The following UNC80 variants were observed in gnomAD, a reference collection of about 807,000 sequenced individuals.
UNC80 encodes protein unc-80 homolog.
Under a neutral mutation model 384.6 loss-of-function variants are expected in UNC80, and 164 were observed. That is an observed-to-expected ratio of 0.43 (90% CI 0.38 to 0.49). The LOEUF (loss-of-function observed/expected upper bound fraction) is 0.49. Among genes scored for constraint, UNC80 ranks in the 20% least tolerant of loss-of-function variants. The pLI, the probability that UNC80 is intolerant of heterozygous loss-of-function variation, is 0.00. For missense variants in UNC80, 3,330 were observed against 4,143.0 expected, an observed-to-expected ratio of 0.80 and a Z score of 5.39; for synonymous variants, 1,486 against 1,527.8, an observed-to-expected ratio of 0.97 and a Z score of 0.64.
intron 61 of UNC80, among the ~76,000 whole-genome samples, chr2:209,989,852 AT>A (rs2093360392): frequency 1.3e-5 from 2 of 152,276 alleles, no homozygotes; most frequent in Non-Finnish European, 2.9e-5. Flanking sequence ...ATCATTGTGA[AT>A]TTTTTGGCTG....
At chr2:209,856,755 T>C (rs1203042728) in intron 22 of UNC80, among the ~76,000 whole-genome samples, 1 of 148,548 alleles carries the variant, frequency 6.7e-6, no homozygotes, top group Non-Finnish European at 1.5e-5. Context: ...TTGGTTTTTT[T>C]GTTTACTTAT....
rs142129015 is a variant in UNC80, at chr2:209,904,266, A to C, written c.4582-499A>C. Among the ~76,000 whole-genome samples, 324 of 152,340 alleles carry C rather than the reference A, an allele frequency of 2.1e-3. 2 individuals carry two copies. The highest frequency in any genetic ancestry group is 7.2e-3 in the African/African-American group (298 of 41,580). On this transcript the variant is annotated intron_variant, in intron 28 of 64. Transcript: ENST00000673920. ...AACTGTACAGTAAGGTTCAAGTTCT[A>C]GTTGAAGATGATTGGCCAGAGGAGA...
rs529998362 is a variant in UNC80 at position 209,929,567 on chromosome 2, C to T, written c.5807-304C>T. On this transcript the variant is annotated intron_variant, in intron 36 of 64. Coordinates refer to ENST00000673920, the MANE Select transcript of UNC80 (RefSeq NM_001371986.1). ...ACTGTAATTTAATAAGTGCTGACTG[C>T]TGCTATTATTGGGGTGACTTCCACA... Among the ~76,000 whole-genome samples, 5 of 152,268 alleles carry T rather than the reference C, an allele frequency of 3.3e-5. No homozygotes were observed. In the East Asian group the frequency reaches 7.7e-4, roughly 23 times the overall value.
At chr2:209,811,109 T>C (rs2079316999) in intron 7 of UNC80, among the ~76,000 whole-genome samples, 1 of 152,132 alleles carries the variant, frequency 6.6e-6, no homozygotes, top group African/African-American at 2.4e-5. Context: ...AAGTTTTTAG[T>C]TTCCTTCAAA....
intron 47 of UNC80, among the ~76,000 whole-genome samples, chr2:209,952,849 A>T (rs2092247798): frequency 6.6e-6 from 1 of 152,220 alleles, no homozygotes; most frequent in African/African-American, 2.4e-5. Context: ...CCAAAAAAAT[A>T]GGAGAACTCA....
rs959082744 is a variant in UNC80, at chr2:209,839,008, T to A, written c.3042-214T>A. Among the ~76,000 whole-genome samples, 1 of 152,170 alleles carries A rather than the reference T, an allele frequency of 6.6e-6. No homozygotes were observed. Among genetic ancestry groups the A allele is most frequent in the African/African-American group, 2.4e-5 (1 of 41,432 alleles). On this transcript the variant is annotated intron_variant, in intron 18 of 64. Coordinates refer to ENST00000673920, the MANE Select transcript of UNC80 (RefSeq NM_001371986.1). The surrounding 1 kb of genome is among the most constrained non-coding windows in gnomAD (Gnocchi z 4.1). ...GTTGAAAAAACCTGACCACCTCATG[T>A]CATAGCAGAGACATGACTATTTTCA...
Position 209,977,061 on chromosome 2 carries a change from C to T in UNC80, c.8921C>T (p.Ala2974Val). Residue 2974 changes from alanine to valine, a missense_variant, in exon 58 of 65, where the codon GCA (alanine) becomes GTA (valine). Coordinates refer to ENST00000673920, the MANE Select transcript of UNC80 (RefSeq NM_001371986.1). ...FNSELKILKE[A>V]VHSGSAYQGK... ...AGTGAACTAAAAATTCTAAAAGAGGCAGTTCATAGTGGATCAGGTGAGTGT... is the reference window on the plus strand; with the variant it reads ...AGTGAACTAAAAATTCTAAAAGAGGTAGTTCATAGTGGATCAGGTGAGTGT... 1 of 1,521,742 alleles carries T rather than the reference C, an allele frequency of 6.6e-7. No homozygotes were observed. The highest frequency in any genetic ancestry group is 8.9e-7 in the Non-Finnish European group (1 of 1,122,522). 94.3% of individuals were successfully genotyped at this position (1,521,742 alleles called of 1,614,324 possible). A position where few individuals can be genotyped will look rare whatever the true frequency, so the allele number is the denominator to read the frequency against.
Position 209,789,483 on chromosome 2 carries a change from A to G in UNC80, c.725-49A>G, listed in dbSNP as rs774713075. 1.8e-5 allele frequency: 23 copies of G among 1,272,950 alleles called. No homozygotes were observed. The Admixed American group carries it at 3.0e-4, about 17-fold the overall frequency. The allele number at this position is 1,272,950 out of a possible 1,614,324, so 78.9% of individuals were successfully genotyped here. ...AAAATGAAATGAACTTATGAAATAA[A>G]AAGAACTTAAAACCTTACAAAACGA... is the stretch of plus-strand genomic sequence containing the variant. On this transcript the variant is annotated intron_variant, in intron 5 of 64. Transcript: ENST00000673920.
rs1373731158 is a variant in UNC80 at position 209,995,545 on chromosome 2, C to T, written c.9925C>T (p.Pro3309Ser). The T allele has an allele frequency of 4.5e-6, 7 of 1,552,034 alleles. No homozygotes were observed. Among genetic ancestry groups the T allele is most frequent in the Non-Finnish European group, 6.1e-6 (7 of 1,147,072 alleles). The change falls in exon 65 of 65, where the codon CCC (proline) becomes TCC (serine). Residue 3309 changes from proline (P) to serine (S), a missense_variant. This residue lies in a region of UNC80 where 236 missense variants were observed against 254.9 expected (regional missense o/e 0.93). Coordinates refer to ENST00000673920, the MANE Select transcript of UNC80 (RefSeq NM_001371986.1). Reference sequence around the variant, plus strand: ...ACTATCTAGTCAGTTCACCTTTACTCCCACTGAGCTGGGGAAAACGGATGC... The same window carrying T: ...ACTATCTAGTCAGTTCACCTTTACTTCCACTGAGCTGGGGAAAACGGATGC... Reference protein sequence around the residue: ...PLLSSQFTFTPTELGKTDAVL... With the variant: ...PLLSSQFTFTSTELGKTDAVL...
At position 209,912,665 on chromosome 2, in the gene UNC80, C is replaced by G; in HGVS notation, c.4888C>G (p.Gln1630Glu). The part of the protein sequence containing the change: ...DSGMLKYIRL[Q>E]VMSLSPAPLS... ...CGGAATGCTGAAGTACATCAGACTTCAGGTATTGTTACCTGGATCAGAAGG... is the reference window on the plus strand; with the variant it reads ...CGGAATGCTGAAGTACATCAGACTTGAGGTATTGTTACCTGGATCAGAAGG... The change falls in exon 30 of 65, where the codon CAG becomes GAG. Residue 1630 changes from glutamine (Q) to glutamate (E), a missense_variant and splice_region_variant. Physicochemically the swap from Gln to Glu is conservative, Grantham distance 29. This residue lies in a region of UNC80 where 801 missense variants were observed against 950.8 expected (regional missense o/e 0.84). Coordinates refer to ENST00000673920, the MANE Select transcript of UNC80 (RefSeq NM_001371986.1). 6.5e-7 allele frequency: 1 copy of G among 1,547,582 alleles called. No individual in the cohort carries two copies. The highest frequency in any genetic ancestry group is 8.7e-7 in the Non-Finnish European group (1 of 1,143,976).
At chr2:209,961,622 C>G (rs1215678861) in intron 51 of UNC80, among the ~76,000 whole-genome samples, 1 of 151,680 alleles carries the variant, frequency 6.6e-6, no homozygotes, top group Non-Finnish European at 1.5e-5. Context: ...ATTCATGAAC[C>G]ATAAATTTGA....
chr2:209,865,926 A>G (rs888156303), intron 22 of UNC80, among the ~76,000 whole-genome samples: 7 of 152,270 alleles, frequency 4.6e-5, no homozygotes, highest in African/African-American at 7.2e-5. Flanking sequence ...TTTTCTTTCT[A>G]CACTTCAAAG....
chr2:209,990,830 C>T (rs2093378614), intron 61 of UNC80, among the ~76,000 whole-genome samples: 1 of 152,106 alleles, frequency 6.6e-6, no homozygotes, highest in Non-Finnish European at 1.5e-5. Flanking sequence ...TTAAAAAGCA[C>T]CTGTTTTGGT....
At chr2:209,959,016 G>A (rs1465221354) in intron 49 of UNC80, 103 bp from the exon 50 acceptor site, 7 of 930,248 alleles carry the variant, frequency 7.5e-6, no homozygotes, top group Non-Finnish European at 1.0e-5. Context: ...TTATCAAAAT[G>A]TATAGCTTCA....
intron 60 of UNC80, among the ~76,000 whole-genome samples, chr2:209,984,026 T>TAA (rs1413891040): frequency 1.3e-5 from 2 of 152,154 alleles, no homozygotes; most frequent in African/African-American, 4.8e-5. Flanking sequence ...ATGGTTTAGT[T>TAA]CTCTCCAATT....
chr2:209,838,637 T>C (rs1234553813), intron 18 of UNC80, among the ~76,000 whole-genome samples: 3 of 152,126 alleles, frequency 2.0e-5, no homozygotes, highest in Non-Finnish European at 4.4e-5. Flanking sequence ...TGAGGAACAG[T>C]GCTGCACAAG....
chr2:209,935,712 A>G lies in UNC80; in HGVS notation c.6179-2A>G. 6.7e-7 allele frequency: 1 copy of G among 1,490,466 alleles called. No individual in the cohort carries two copies. The highest frequency in any genetic ancestry group is 9.0e-7 in the Non-Finnish European group (1 of 1,115,200). 92.3% of individuals were successfully genotyped at this position (1,490,466 alleles called of 1,614,324 possible). A position where few individuals can be genotyped will look rare whatever the true frequency, so the allele number is the denominator to read the frequency against. On this transcript the variant is annotated splice_acceptor_variant, in intron 39 of 64. Coordinates refer to ENST00000673920, the MANE Select transcript of UNC80 (RefSeq NM_001371986.1). LOFTEE classifies it high-confidence loss of function. ...GTTTGTTATTATTTTTATCATCTGT[A>G]GGTACTAAAACCTTGGTAGTTCATG...
chr2:209,981,131 G>T (rs1214310836), intron 59 of UNC80, among the ~76,000 whole-genome samples: 2 of 152,122 alleles, frequency 1.3e-5, no homozygotes, highest in Non-Finnish European at 2.9e-5. Context: ...GTATCAGATG[G>T]TCTTACACAG....
intron 22 of UNC80, among the ~76,000 whole-genome samples, chr2:209,864,178 A>G (rs1473367697): frequency 1.3e-5 from 2 of 151,768 alleles, no homozygotes; most frequent in Admixed American, 6.6e-5. Context: ...GTGCCTGGAG[A>G]TGTCACTCAA....
Sources: gnomAD v4.1 joint callset for allele counts (sites outside exome capture counted in the v4.1 genomes callset) on GRCh38, gnomAD v4.1.1 for gene constraint, gnomAD v4.1.1 regional missense constraint, Gnocchi (gnomAD v3.1) non-coding constraint, MANE v1.5 for transcripts, NCBI Gene and HGNC (gene_info 2026-07-23, HGNC 2026-07-21) for gene names.